The following COL13A1 variants were observed in gnomAD, a reference collection of about 807,000 sequenced individuals.
The protein encoded by COL13A1 is collagen type XIII alpha 1 chain, also known as collagen alpha-1(XIII) chain.
COL13A1 carries 89 observed loss-of-function variants against 130.9 expected under a neutral mutation model. The ratio of observed to expected loss-of-function variants is 0.68; its 90% CI spans 0.57 to 0.81. COL13A1 has a LOEUF of 0.81. COL13A1 is among the 30% of genes least tolerant of loss of function. The pLI is 0.00. For missense variants in COL13A1, 879 were observed against 934.6 expected (o/e 0.94, Z 0.78); for synonymous variants, 402 against 341.6 (o/e 1.18, Z -1.95).
Position 69,933,449 on chromosome 10 carries a change from C to T in COL13A1, c.1728+845C>T, listed in dbSNP as rs545011373. Reference sequence around the variant, plus strand: ...GCAGAGAATCAGGCATATTTGCGGGCTCAGGGGCAAGAACCCGGAAAGCAA... The same window carrying T: ...GCAGAGAATCAGGCATATTTGCGGGTTCAGGGGCAAGAACCCGGAAAGCAA... On this transcript the variant is annotated intron_variant, in intron 31 of 40. Coordinates refer to ENST00000645393, the MANE Select transcript of COL13A1 (RefSeq NM_001368882.1). 2.0e-5 allele frequency among the ~76,000 whole-genome samples: 3 copies of T among 152,238 alleles called. No homozygotes were observed. The South Asian group carries it at 6.2e-4, about 32-fold the overall frequency.
chr10:69,938,555 G>T (rs1022023188), intron 34 of COL13A1, among the ~76,000 whole-genome samples: 1 of 152,124 alleles, frequency 6.6e-6, no homozygotes, highest in Non-Finnish European at 1.5e-5. Context: ...CTGATCTGAG[G>T]CCATGGCCTT....
At chr10:69,825,692 C>T (rs1245092945) in intron 2 of COL13A1, among the ~76,000 whole-genome samples, 5 of 152,220 alleles carry the variant, frequency 3.3e-5, no homozygotes, top group South Asian at 2.1e-4. Context: ...TAGGCCAAGC[C>T]GGAGTCCTGC....
intron 6 of COL13A1, among the ~76,000 whole-genome samples, chr10:69,880,153 GTTC>G (rs999255008): frequency 1.2e-4 from 19 of 152,048 alleles, no homozygotes; most frequent in Non-Finnish European, 1.5e-5. Context: ...AATGGATCCT[GTTC>G]TTCTCGCTTC....
chr10:69,926,081 G>T, intron 26 of COL13A1: 2 of 553,250 alleles, frequency 3.6e-6, no homozygotes, highest in East Asian at 3.0e-5. Context: ...CTGGCATCCA[G>T]GTGGCCGGGG....
At chr10:69,933,135 C>CAAAAAAAAAAAAAAAAAAAAAAAAAAA (rs34323794) in intron 31 of COL13A1, among the ~76,000 whole-genome samples, 5 of 44,428 alleles carry the variant, frequency 1.1e-4, no homozygotes, top group South Asian at 1.8e-3. Flanking sequence ...GACTCTGCCT[C>CAAAAAAAAAAAAAAAAAAAAAAAAAAA]AAAAAAAAAA....
intron 1 of COL13A1, among the ~76,000 whole-genome samples, chr10:69,818,044 C>A (rs149063021): frequency 2.8e-4 from 43 of 152,302 alleles, no homozygotes; most frequent in Admixed American, 9.1e-4. Flanking sequence ...AATCAAGGCT[C>A]CCGATTTCCG....
At chr10:69,802,843 G>A in intron 1 of COL13A1, 126 bp downstream of exon 1, 1 of 1,254,832 alleles carries the variant, frequency 8.0e-7, no homozygotes, top group Non-Finnish European at 1.1e-6. Flanking sequence ...CGAGTTGCCT[G>A]CGGGAGGGGT....
At chr10:69,852,998 T>A (rs1332184810) in intron 2 of COL13A1, among the ~76,000 whole-genome samples, 4 of 150,926 alleles carry the variant, frequency 2.7e-5, no homozygotes, top group Admixed American at 6.6e-5. Flanking sequence ...CCTGGGGCTG[T>A]CCAGCTGGGG....
At position 69,833,446 on chromosome 10, in the gene COL13A1, C is replaced by T. The variant is rs186282520; in HGVS notation, c.364+11008C>T. ...TCAACAAGCAGCCTGGGTCCACCTG[C>T]GGGTAGAGGGCTGCTCCAGGCCCTG... On this transcript the variant is annotated intron_variant, in intron 2 of 40. Transcript: ENST00000645393. 2.8e-4 allele frequency among the ~76,000 whole-genome samples: 43 copies of T among 152,284 alleles called. 1 individual carries two copies. The highest frequency in any genetic ancestry group is 3.4e-3 in the Middle Eastern group (1 of 294).
At chr10:69,875,025 G>T in intron 4 of COL13A1, 103 bp from the exon 5 acceptor site, 1 of 1,460,042 alleles carries the variant, frequency 6.8e-7, no homozygotes, top group Non-Finnish European at 9.6e-7. Flanking sequence ...TGCAAACTGG[G>T]TTAGCTGTGC....
In COL13A1 at chr10:69,811,960, TC is replaced by T. The variant is rs1477740396; in HGVS notation, c.294+9245del. ...CACCTTCTCAGCCTCTGCAGACCTGTCCTCTCCTCTCCATCCCTGCCTGCCC... is the reference window on the plus strand; with the variant it reads ...CACCTTCTCAGCCTCTGCAGACCTGTCTCTCCTCTCCATCCCTGCCTGCCC... On this transcript the variant is annotated intron_variant, in intron 1 of 40. Transcript: ENST00000645393. Among the ~76,000 whole-genome samples the T allele has an allele frequency of 2.6e-5, 4 of 152,160 alleles. No homozygotes were observed. In the East Asian group the frequency reaches 7.7e-4, roughly 29 times the overall value.
chr10:69,884,560 G>A (rs1435243748), intron 7 of COL13A1, among the ~76,000 whole-genome samples: 3 of 152,146 alleles, frequency 2.0e-5, no homozygotes, highest in African/African-American at 7.2e-5. Flanking sequence ...GTAGACATAG[G>A]GGTCTGCTTT....
At chr10:69,889,642 C>G (rs1422520971) in intron 10 of COL13A1, among the ~76,000 whole-genome samples, 1 of 152,248 alleles carries the variant, frequency 6.6e-6, no homozygotes, top group East Asian at 1.9e-4. Context: ...GCTTCTCCAT[C>G]TGAAGCATGA....
intron 16 of COL13A1, 79 bp from the exon 17 acceptor site, chr10:69,905,708 G>A (rs2135227511): frequency 6.7e-7 from 1 of 1,490,086 alleles, no homozygotes; most frequent in Non-Finnish European, 9.3e-7. Flanking sequence ...GAAGAGGGAT[G>A]GTATTGTGTG....
At chr10:69,828,218 G>T (rs912093470) in intron 2 of COL13A1, among the ~76,000 whole-genome samples, 3 of 152,054 alleles carry the variant, frequency 2.0e-5, no homozygotes, top group Non-Finnish European at 4.4e-5. Context: ...ACTCCCCCTT[G>T]TTCTGCTGCA....
Position 69,925,710 on chromosome 10 carries a change from G to A in COL13A1, c.1330-94G>A, listed in dbSNP as rs2065255028. The A allele has an allele frequency of 6.8e-6, 6 of 880,038 alleles. No individual in the cohort carries two copies. In the Admixed American group the frequency reaches 1.2e-4, roughly 18 times the overall value. The allele number at this position is 880,038 out of a possible 1,614,324, so 54.5% of individuals were successfully genotyped here. A position where few individuals can be genotyped will look rare whatever the true frequency, so the allele number is the denominator to read the frequency against. On this transcript the variant is annotated intron_variant, in intron 25 of 40. Coordinates refer to ENST00000645393, the MANE Select transcript of COL13A1 (RefSeq NM_001368882.1). ...TCTGGGTCCACCCATGTGCAGCTAG[G>A]TGCAGCCAGTGTGGGCTGATAGAGA... is the stretch of plus-strand genomic sequence containing the variant.
chr10:69,954,172 A>G (rs2070179729), intron 39 of COL13A1: 2 of 152,592 alleles, frequency 1.3e-5, no homozygotes, highest in Admixed American at 1.3e-4. Context: ...TGTAAATGCC[A>G]AGGGTCACCC....
chr10:69,865,480 C>T (rs1012792023), intron 2 of COL13A1, among the ~76,000 whole-genome samples: 3 of 152,158 alleles, frequency 2.0e-5, no homozygotes, highest in African/African-American at 7.2e-5. Flanking sequence ...TTCCAAGGCA[C>T]CTGAAGATTT....
intron 2 of COL13A1, among the ~76,000 whole-genome samples, chr10:69,850,668 C>A (rs1252591582): frequency 6.6e-6 from 1 of 151,836 alleles, no homozygotes; most frequent in East Asian, 2.0e-4. Context: ...AGATCAGGTT[C>A]CCTGGGAAGC....
Sources: gnomAD v4.1 joint callset for allele counts (sites outside exome capture counted in the v4.1 genomes callset) on GRCh38, gnomAD v4.1.1 for gene constraint, MANE v1.5 for transcripts, NCBI Gene and HGNC (gene_info 2026-07-23, HGNC 2026-07-21) for gene names.